NRXN1: variants seen among roughly 807,000 people sequenced by gnomAD.
The protein encoded by NRXN1 is neurexin 1, also known as neurexin-1.
A neutral mutation model predicts 150.9 loss-of-function variants in NRXN1; 39 were observed. That is an observed-to-expected ratio of 0.26 (90% CI 0.20 to 0.34). The LOEUF is 0.34. Among genes scored for constraint, NRXN1 ranks in the 10% least tolerant of loss-of-function variants. NRXN1 has a pLI of 1.00. For synonymous variants in NRXN1, 924 were observed against 757.0 expected (o/e 1.22, Z -3.62); for missense variants, 1,815 against 1,949.9 (o/e 0.93, Z 1.30).
chr2:50,760,032 G>A (rs1701621485), intron 5 of NRXN1, among the ~76,000 whole-genome samples: 1 of 151,788 alleles, frequency 6.6e-6, no homozygotes, highest in Non-Finnish European at 1.5e-5. Flanking sequence ...CATAGACTCA[G>A]TTTACACTTC....
At chr2:50,945,784 T>A (rs1207251548) in intron 2 of NRXN1, among the ~76,000 whole-genome samples, 1 of 150,716 alleles carries the variant, frequency 6.6e-6, no homozygotes, top group South Asian at 2.1e-4. Flanking sequence ...CCTCCTCACA[T>A]AAAATTTAGA....
intron 17 of NRXN1, among the ~76,000 whole-genome samples, chr2:50,309,124 C>T (rs1247449891): frequency 1.3e-5 from 2 of 152,054 alleles, no homozygotes; most frequent in African/African-American, 2.4e-5. Flanking sequence ...AGGTTCTTTC[C>T]CATTTATAGA....
At chr2:50,467,928 A>G (rs975160211) in intron 16 of NRXN1, among the ~76,000 whole-genome samples, 6 of 151,588 alleles carry the variant, frequency 4.0e-5, no homozygotes, top group African/African-American at 1.2e-4. Context: ...TTTTGTTCCA[A>G]ACTGTGAGAG....
At chr2:50,160,816 C>A (rs2059319396) in intron 18 of NRXN1, among the ~76,000 whole-genome samples, 1 of 152,042 alleles carries the variant, frequency 6.6e-6, no homozygotes, top group Non-Finnish European at 1.5e-5. Flanking sequence ...GAAAAAAATT[C>A]TATAATGTTT....
chr2:50,040,909 A>G (rs1205563471), intron 21 of NRXN1, among the ~76,000 whole-genome samples: 1 of 151,884 alleles, frequency 6.6e-6, no homozygotes, highest in African/African-American at 2.4e-5. Flanking sequence ...GTACATGTGC[A>G]CAATGTGCAG....
intron 5 of NRXN1, among the ~76,000 whole-genome samples, chr2:50,859,011 T>G (rs893434399): frequency 3.6e-4 from 55 of 152,126 alleles, no homozygotes; most frequent in Non-Finnish European, 1.5e-5. Flanking sequence ...TCATCTCCAC[T>G]GAGATTTTAA....
intron 17 of NRXN1, among the ~76,000 whole-genome samples, chr2:50,352,872 T>A (rs181882441): frequency 6.6e-6 from 1 of 151,594 alleles, no homozygotes; most frequent in South Asian, 2.1e-4. Flanking sequence ...GATAAACTTG[T>A]GTTACAGAAA....
intron 7 of NRXN1, among the ~76,000 whole-genome samples, 161 bp from the exon 8 acceptor site, chr2:50,620,344 C>T (rs776715539): frequency 5.3e-5 from 8 of 151,956 alleles, no homozygotes; most frequent in East Asian, 3.9e-4. Flanking sequence ...AGACCTATGA[C>T]GGAACCCATT....
intron 21 of NRXN1, among the ~76,000 whole-genome samples, chr2:49,980,648 A>C (rs1679843927): frequency 6.6e-6 from 1 of 152,172 alleles, no homozygotes; most frequent in Non-Finnish European, 1.5e-5. Context: ...GAAGAAATGT[A>C]CAAATCATAG....
chr2:50,717,247 A>G (rs1695983383), intron 5 of NRXN1, among the ~76,000 whole-genome samples: 1 of 152,172 alleles, frequency 6.6e-6, no homozygotes, highest in African/African-American at 2.4e-5. Flanking sequence ...TCTACTTTAA[A>G]CATTATAATA....
chr2:50,564,835 A>T (rs1389793753), intron 8 of NRXN1, among the ~76,000 whole-genome samples: 1 of 152,168 alleles, frequency 6.6e-6, no homozygotes, highest in Non-Finnish European at 1.5e-5. Flanking sequence ...GGAAAGTCCC[A>T]CATGATTCAG....
intron 2 of NRXN1, among the ~76,000 whole-genome samples, chr2:51,019,174 C>T (rs1558597030): frequency 6.6e-6 from 1 of 152,088 alleles, no homozygotes. Context: ...ATGGACAGGG[C>T]TGCCTGCTAA....
chr2:50,873,007 A>G (rs1234062080), intron 5 of NRXN1, among the ~76,000 whole-genome samples: 1 of 145,132 alleles, frequency 6.9e-6, no homozygotes, highest in Non-Finnish European at 1.5e-5. Context: ...TCTCTAAAAA[A>G]GAAAATATAA....
intron 12 of NRXN1, among the ~76,000 whole-genome samples, chr2:50,517,700 G>A (rs571315962): frequency 3.9e-5 from 6 of 152,170 alleles, no homozygotes; most frequent in African/African-American, 1.4e-4. Flanking sequence ...ATGACCTAAG[G>A]TTAGCAGTGA....
intron 5 of NRXN1, among the ~76,000 whole-genome samples, chr2:50,914,965 G>GA (rs1360766519): frequency 1.3e-5 from 2 of 151,456 alleles, no homozygotes; most frequent in Non-Finnish European, 3.0e-5. Flanking sequence ...TTCCTCTGGT[G>GA]AAAGGAAGAC....
At chr2:49,963,203 G>C (rs984492470) in intron 21 of NRXN1, among the ~76,000 whole-genome samples, 1 of 151,948 alleles carries the variant, frequency 6.6e-6, no homozygotes, top group Admixed American at 6.6e-5. Context: ...TCCTTTTAAC[G>C]TCACAGAATT....
At chr2:50,816,220 T>C (rs1668909787) in intron 5 of NRXN1, among the ~76,000 whole-genome samples, 1 of 152,136 alleles carries the variant, frequency 6.6e-6, no homozygotes, top group Non-Finnish European at 1.5e-5. Flanking sequence ...GGCCATTATC[T>C]ATTATGCCCC....
chr2:50,088,948 A>G (rs886336026), intron 19 of NRXN1, among the ~76,000 whole-genome samples: 1 of 152,176 alleles, frequency 6.6e-6, no homozygotes, highest in African/African-American at 2.4e-5. Flanking sequence ...AACATAAAAT[A>G]TTTACTAAAA....
At chr2:50,539,418 T>C (rs912412553) in intron 9 of NRXN1, among the ~76,000 whole-genome samples, 1 of 152,180 alleles carries the variant, frequency 6.6e-6, no homozygotes, top group Non-Finnish European at 1.5e-5. Flanking sequence ...GAGAAAAATC[T>C]ATTGGTTTAT....
Sources: allele counts gnomAD v4.1 joint callset (sites outside exome capture counted in the v4.1 genomes callset), GRCh38; gene constraint gnomAD v4.1.1; transcripts MANE v1.5; gene names NCBI Gene and HGNC (gene_info 2026-07-23, HGNC 2026-07-21).